The following XRCC2 variants were observed in gnomAD, a reference collection of about 807,000 sequenced individuals.
The protein encoded by XRCC2 is DNA repair protein XRCC2.
A neutral mutation model predicts 27.3 loss-of-function variants in XRCC2; 24 were observed. The observed-to-expected ratio is 0.88, with a 90% CI of 0.64 to 1.24. The LOEUF is 1.24. Ranked by LOEUF, XRCC2 falls within the 50% of genes most tolerant of loss-of-function variation. The pLI is 0.00. For synonymous variants in XRCC2, 106 were observed against 115.4 expected (o/e 0.92, Z 0.52); for missense variants, 321 against 325.8 (o/e 0.99, Z 0.11).
intron 1 of XRCC2, among the ~76,000 whole-genome samples, chr7:152,667,381 G>C (rs2098036263): frequency 9.1e-6 from 1 of 110,370 alleles, no homozygotes; most frequent in Non-Finnish European, 1.7e-5. Flanking sequence ...CTCCAGCCTG[G>C]GCAACAAGAG....
rs769940007 is a variant in XRCC2, at chr7:152,649,221, A to G, written c.264T>C (p.Asp88=). 3.1e-6 allele frequency: 5 copies of G among 1,613,936 alleles called. No individual in the cohort carries two copies. Among genetic ancestry groups the G allele is most frequent in the Middle Eastern group, 1.6e-4 (1 of 6,062 alleles). Residue 88 remains aspartate, a synonymous_variant, in exon 3 of 3, where the codon GAT becomes GAC. Transcript: ENST00000359321. ...CAAGAATTGTAACTAGCCGGAGCAT[A>G]TCAAAGTGGTAATCTGTATCAATAA... ...VLFIDTDYHF[D]MLRLVTILEH... is the part of the protein sequence containing the mutation.
intron 1 of XRCC2, among the ~76,000 whole-genome samples, chr7:152,668,431 C>T (rs183697916): frequency 3.4e-4 from 52 of 152,216 alleles, no homozygotes; most frequent in Middle Eastern, 3.4e-3. Flanking sequence ...AGGCCTATTA[C>T]AGAAAATTAA....
chr7:152,649,511 C>T (rs1459159976), intron 2 of XRCC2, 148 bp from the exon 3 acceptor site: 3 of 994,334 alleles, frequency 3.0e-6, no homozygotes, highest in Non-Finnish European at 2.8e-6. Context: ...GCTGTACAAG[C>T]AAATACAATA....
In XRCC2 at chr7:152,648,444, C is replaced by T. The variant is rs1242923732; in HGVS notation, c.*198G>A. ...AAAAAAAAAAGAAAACTTTTGGCCA[C>T]GAGCAGTGGCTCACGCCTGTAATCC... On this transcript the variant is annotated 3_prime_UTR_variant, in exon 3 of 3. Transcript: ENST00000359321. 3.7e-5 allele frequency: 16 copies of T among 427,228 alleles called. No homozygotes were observed. Among genetic ancestry groups the T allele is most frequent in the Non-Finnish European group, 5.5e-5 (14 of 254,516 alleles). 26.5% of individuals were successfully genotyped at this position (427,228 alleles called of 1,614,324 possible).
Position 152,648,536 on chromosome 7 carries a change from T to C in XRCC2, c.*106A>G, listed in dbSNP as rs2098027019. ...AGGAGTTCAAGGCTGCAGTGAGCCATGATTGTGCCACTGCACTCCAGCCTG... is the reference window on the plus strand; with the variant it reads ...AGGAGTTCAAGGCTGCAGTGAGCCACGATTGTGCCACTGCACTCCAGCCTG... On this transcript the variant is annotated 3_prime_UTR_variant, in exon 3 of 3. Transcript: ENST00000359321. The C allele has an allele frequency of 8.0e-7, 1 of 1,248,024 alleles. No homozygotes were observed. The highest frequency in any genetic ancestry group is 2.7e-5 in the Admixed American group (1 of 37,136). 77.3% of individuals were successfully genotyped at this position (1,248,024 alleles called of 1,614,324 possible). A position where few individuals can be genotyped will look rare whatever the true frequency, so the allele number is the denominator to read the frequency against.
At chr7:152,649,944 C>T (rs982236907) in intron 2 of XRCC2, among the ~76,000 whole-genome samples, 1 of 152,122 alleles carries the variant, frequency 6.6e-6, no homozygotes, top group Admixed American at 6.6e-5. Context: ...GGATGAAACC[C>T]ACCCTTAGGA....
chr7:152,660,607 ACT>A, intron 2 of XRCC2, 92 bp downstream of exon 2: 1 of 1,034,862 alleles, frequency 9.7e-7, no homozygotes, highest in Non-Finnish European at 1.4e-6. Flanking sequence ...ACCTGTATAA[ACT>A]CTTGTGAGGA....
intron 2 of XRCC2, among the ~76,000 whole-genome samples, chr7:152,659,408 T>C (rs2098032104): frequency 6.6e-6 from 1 of 152,168 alleles, no homozygotes; most frequent in Non-Finnish European, 1.5e-5. Flanking sequence ...CCTGACCTCG[T>C]GATCTGCCTG....
At position 152,649,223 on chromosome 7, in the gene XRCC2, C is replaced by A. The variant is rs958403796; in HGVS notation, c.262G>T (p.Asp88Tyr). 1.2e-6 allele frequency: 2 copies of A among 1,613,760 alleles called. No individual in the cohort carries two copies. The highest frequency in any genetic ancestry group is 1.7e-6 in the Non-Finnish European group (2 of 1,180,030). Reference sequence around the variant, plus strand: ...AGAATTGTAACTAGCCGGAGCATATCAAAGTGGTAATCTGTATCAATAAAT... The same window carrying A: ...AGAATTGTAACTAGCCGGAGCATATAAAAGTGGTAATCTGTATCAATAAAT... ...VLFIDTDYHF[D>Y]MLRLVTILEH... is the part of the protein sequence containing the mutation. The change falls in exon 3 of 3, where the codon GAT (aspartate) becomes TAT (tyrosine). Residue 88 changes from aspartate to tyrosine, a missense_variant. Coordinates refer to ENST00000359321, the MANE Select transcript of XRCC2 (RefSeq NM_005431.2).
In XRCC2 at chr7:152,674,728, A is replaced by ATTTTAAAATATG. The variant is rs2098039825; in HGVS notation, c.39+1312_39+1313insCATATTTTAAAA. Among the ~76,000 whole-genome samples, 3 of 104,428 alleles carry ATTTTAAAATATG rather than the reference A, an allele frequency of 2.9e-5. 1 individual carries two copies. The highest frequency in any genetic ancestry group is 6.0e-5 in the Non-Finnish European group (3 of 49,632). The allele number at this position is 104,428 out of a possible 152,430, so 68.5% of individuals were successfully genotyped here. ...ATTTATATAATATATTTTTAAATAT[A>ATTTTAAAATATG]TATTATATATAAATATATTTTTAAA... On this transcript the variant is annotated intron_variant, in intron 1 of 2. Coordinates refer to ENST00000359321, the MANE Select transcript of XRCC2 (RefSeq NM_005431.2).
In XRCC2 at chr7:152,651,377, C is replaced by T. The variant is rs573995439; in HGVS notation, c.122-2014G>A. 1.1e-4 allele frequency among the ~76,000 whole-genome samples: 16 copies of T among 151,068 alleles called. 1 individual carries two copies. In the South Asian group the frequency reaches 1.9e-3, roughly 18 times the overall value. ...TCAAGGCAGGAGGATCACTTGAGCC[C>T]AAGAGTTCAATATCAGCCTGGTCAA... On this transcript the variant is annotated intron_variant, in intron 2 of 2. Coordinates refer to ENST00000359321, the MANE Select transcript of XRCC2 (RefSeq NM_005431.2).
rs2098025897 is a variant in XRCC2 at position 152,646,328 on chromosome 7, TGTTCC to T, written c.*2309_*2313del. ...TGTGTGTGTGTGTGTGTGTGTGTGTTGTTCCCTTCTTTGTATCCAGGAGTTCTCAT... is the reference window on the plus strand; with the variant it reads ...TGTGTGTGTGTGTGTGTGTGTGTGTTCTTCTTTGTATCCAGGAGTTCTCAT... On this transcript the variant is annotated 3_prime_UTR_variant, in exon 3 of 3. Coordinates refer to ENST00000359321, the MANE Select transcript of XRCC2 (RefSeq NM_005431.2). 8.1e-6 allele frequency: 1 copy of T among 124,150 alleles called. No homozygotes were observed. Among genetic ancestry groups the T allele is most frequent in the African/African-American group, 3.3e-5 (1 of 30,682 alleles). The allele number at this position is 124,150 out of a possible 1,614,324, so 7.7% of individuals were successfully genotyped here.
At chr7:152,659,516 A>T (rs185139117) in intron 2 of XRCC2, among the ~76,000 whole-genome samples, 1 of 152,318 alleles carries the variant, frequency 6.6e-6, no homozygotes, top group East Asian at 1.9e-4. Context: ...GTTTCTTCAA[A>T]GATATACAAT....
rs1356498203 is a variant in XRCC2, at chr7:152,648,827, C to G, written c.658G>C (p.Asp220His). The G allele has an allele frequency of 2.5e-6, 4 of 1,613,912 alleles. No homozygotes were observed. Among genetic ancestry groups the G allele is most frequent in the Non-Finnish European group, 3.4e-6 (4 of 1,179,840 alleles). Reference sequence around the variant, plus strand: ...CAGAGATAAGGTCTGTAGTCTATGTCCACATCACACAGTCGTCGAGAGGCA... The same window carrying G: ...CAGAGATAAGGTCTGTAGTCTATGTGCACATCACACAGTCGTCGAGAGGCA... ...SHASRRLCDVDIDYRPYLCKA... is the reference protein window; with the variant it reads ...SHASRRLCDVHIDYRPYLCKA... The change falls in exon 3 of 3, where the codon GAC becomes CAC. Residue 220 changes from aspartate to histidine, a missense_variant. Physicochemically the swap from Asp to His is moderately conservative, Grantham distance 81. Coordinates refer to ENST00000359321, the MANE Select transcript of XRCC2 (RefSeq NM_005431.2).
At position 152,648,096 on chromosome 7, in the gene XRCC2, G is replaced by A. The variant is rs1264896804; in HGVS notation, c.*546C>T. 4 of 152,272 alleles carry A rather than the reference G, an allele frequency of 2.6e-5. No homozygotes were observed. The highest frequency in any genetic ancestry group is 9.6e-5 in the African/African-American group (4 of 41,552). The allele number at this position is 152,272 out of a possible 1,614,324, so 9.4% of individuals were successfully genotyped here. ...TAGTTTAACAAATCCATTCTGTAAA[G>A]AAATACTGTTAATTCCCCTAGAGTT... On this transcript the variant is annotated 3_prime_UTR_variant, in exon 3 of 3. Coordinates refer to ENST00000359321, the MANE Select transcript of XRCC2 (RefSeq NM_005431.2).
In XRCC2 at chr7:152,646,483, ATATTT is replaced by A. The variant is rs1291214485; in HGVS notation, c.*2154_*2158del. ...TGGCAAAGGTATGATCTTGTTCCTT[ATATTT>A]TATTTTTTATTTTTTAGAGATGGAG... On this transcript the variant is annotated 3_prime_UTR_variant, in exon 3 of 3. Transcript: ENST00000359321. The A allele has an allele frequency of 1.3e-5, 2 of 152,020 alleles. No homozygotes were observed. The highest frequency in any genetic ancestry group is 1.9e-4 in the East Asian group (1 of 5,180). 9.4% of individuals were successfully genotyped at this position (152,020 alleles called of 1,614,324 possible).
At chr7:152,653,913 A>G (rs2098029590) in intron 2 of XRCC2, among the ~76,000 whole-genome samples, 1 of 152,146 alleles carries the variant, frequency 6.6e-6, no homozygotes, top group Non-Finnish European at 1.5e-5. Flanking sequence ...TCAAGATGGT[A>G]AGCCGGGCGC....
intron 2 of XRCC2, among the ~76,000 whole-genome samples, chr7:152,657,959 T>TGTTTTTTTTC (rs1467237083): frequency 1.5e-5 from 2 of 135,406 alleles, no homozygotes; most frequent in East Asian, 4.5e-4. Context: ...TTTTTGTCTT[T>TGTTTTTTTTC]GTTTTTTTTT....
At chr7:152,667,264 A>T (rs1269049157) in intron 1 of XRCC2, among the ~76,000 whole-genome samples, 1 of 151,888 alleles carries the variant, frequency 6.6e-6, no homozygotes, top group Non-Finnish European at 1.5e-5. Flanking sequence ...TAAATTAGCC[A>T]GGCGTGGTGG....
Sources: gnomAD v4.1 joint callset for allele counts (sites outside exome capture counted in the v4.1 genomes callset) on GRCh38, gnomAD v4.1.1 for gene constraint, MANE v1.5 for transcripts, NCBI Gene and HGNC (gene_info 2026-07-23, HGNC 2026-07-21) for gene names.